PCGF3: variants seen among roughly 807,000 people sequenced by gnomAD.
PCGF3 encodes polycomb group RING finger protein 3.
In PCGF3, 7 loss-of-function variants were observed where a neutral mutation model predicts 33.1. That is an observed-to-expected ratio of 0.21 (90% CI 0.12 to 0.40). The LOEUF (loss-of-function observed/expected upper bound fraction) is 0.40. Ranked by LOEUF, PCGF3 falls within the 10% of genes least tolerant of loss-of-function variation. The probability of loss-of-function intolerance (pLI) is 1.00; values close to 1 mark genes in which losing one functional copy is unlikely to be tolerated. For missense variants in PCGF3, 211 were observed against 313.3 expected (o/e 0.67, Z 2.46); for synonymous variants, 153 against 121.3 (o/e 1.26, Z -1.72).
chr4:708,431 C>A (rs1742427660), intron 1 of PCGF3, among the ~76,000 whole-genome samples: 1 of 152,102 alleles, frequency 6.6e-6, no homozygotes, highest in Non-Finnish European at 1.5e-5. Context: ...CAGCTGGATG[C>A]ACCTGCTGTG....
intron 8 of PCGF3, among the ~76,000 whole-genome samples, chr4:758,678 CCG>C (rs1363174814): frequency 1.1e-5 from 1 of 94,260 alleles, no homozygotes; most frequent in Non-Finnish European, 2.3e-5. Context: ...GTCTTTCTCC[CCG>C]CGCGGCCCCT....
At chr4:751,709 G>C (rs1050288605) in intron 8 of PCGF3, among the ~76,000 whole-genome samples, 1 of 152,134 alleles carries the variant, frequency 6.6e-6, no homozygotes, top group Non-Finnish European at 1.5e-5. Context: ...CCCCTCCAAA[G>C]GGCATGAAGC....
intron 1 of PCGF3, among the ~76,000 whole-genome samples, chr4:712,106 T>C (rs542547923): frequency 1.3e-5 from 2 of 152,340 alleles, no homozygotes; most frequent in African/African-American, 4.8e-5. Context: ...TACAATTCAT[T>C]GTGCTTCAAA....
chr4:766,070 C>G, exon 11 of PCGF3: 3 of 1,614,102 alleles, frequency 1.9e-6, no homozygotes, highest in Non-Finnish European at 2.5e-6. Flanking sequence ...CCAAGATGGA[C>G]TTGCTGTGAA....
At chr4:716,050 G>T (rs1351680295) in intron 1 of PCGF3, among the ~76,000 whole-genome samples, 7 of 143,336 alleles carry the variant, frequency 4.9e-5, no homozygotes, top group African/African-American at 1.8e-4. Context: ...CGTCGGTGCT[G>T]GAACCCTGTA....
intron 9 of PCGF3, chr4:762,319 C>T (rs897480587): frequency 3.4e-5 from 6 of 175,180 alleles, no homozygotes; most frequent in Non-Finnish European, 6.7e-5. Flanking sequence ...GAGCAGAGGA[C>T]GGACTGGAGG....
intron 3 of PCGF3, among the ~76,000 whole-genome samples, chr4:731,556 C>T (rs1229858900): frequency 5.2e-4 from 69 of 132,210 alleles, no homozygotes; most frequent in South Asian, 1.0e-3. Flanking sequence ...GCGGGGCTCC[C>T]CCTCCCGTCG....
chr4:761,959 T>A, intron 9 of PCGF3: 7 of 985,336 alleles, frequency 7.1e-6, no homozygotes, highest in Non-Finnish European at 8.4e-6. Context: ...AGCATGGGTC[T>A]GGTGTCGTTT....
At chr4:714,193 C>G (rs991784197) in intron 1 of PCGF3, among the ~76,000 whole-genome samples, 7 of 152,214 alleles carry the variant, frequency 4.6e-5, no homozygotes, top group Non-Finnish European at 7.3e-5. Context: ...CGCCTTGATT[C>G]TGGACTCCCA....
At chr4:733,097 C>T (rs1300029737) in intron 3 of PCGF3, among the ~76,000 whole-genome samples, 5 of 95,156 alleles carry the variant, frequency 5.3e-5, no homozygotes, top group African/African-American at 2.6e-4. Context: ...TGCCTCCGCC[C>T]CTGCCCCGTG....
At chr4:735,856 C>T (rs1011071826) in intron 5 of PCGF3, among the ~76,000 whole-genome samples, 4 of 152,146 alleles carry the variant, frequency 2.6e-5, no homozygotes, top group African/African-American at 9.7e-5. Context: ...CAGCAGGAGG[C>T]CAAGGGGCCA....
At position 737,533 on chromosome 4, in the gene PCGF3, ACTGT is replaced by A; in HGVS notation, c.262+15_262+18del. On this transcript the variant is annotated intron_variant, in intron 6 of 10. Coordinates refer to ENST00000362003, the Ensembl canonical transcript of PCGF3. ...AGGCCTCCAAGAAGGTGAGTGTCTG[ACTGT>A]CTTGCTGATCCCTGAGGTCCCAGCC... 3 of 1,574,882 alleles carry A rather than the reference ACTGT, an allele frequency of 1.9e-6. No homozygotes were observed. Among genetic ancestry groups the A allele is most frequent in the Non-Finnish European group, 2.6e-6 (3 of 1,144,508 alleles).
intron 8 of PCGF3, among the ~76,000 whole-genome samples, chr4:757,906 C>T (rs1247286122): frequency 6.6e-6 from 1 of 152,062 alleles, no homozygotes; most frequent in East Asian, 1.9e-4. Flanking sequence ...CGGTGGCTCA[C>T]GCCTGTAATC....
intron 10 of PCGF3, 82 bp from the exon 11 acceptor site, chr4:765,949 TC>T: frequency 2.3e-6 from 3 of 1,298,382 alleles, no homozygotes; most frequent in Non-Finnish European, 3.4e-6. Context: ...GGGACGTGAT[TC>T]CTCAGCACCC....
At chr4:768,874 C>G (rs1745496077) in exon 11 of PCGF3, 2 of 152,554 alleles carry the variant, frequency 1.3e-5, no homozygotes, top group Admixed American at 1.3e-4. Context: ...GGATGAAGAG[C>G]ATTTTTTATG....
In PCGF3 at chr4:761,194, A is replaced by G. The variant is rs1745036396; in HGVS notation, c.463-85A>G. Reference sequence around the variant, plus strand: ...AAAGGTCAGCAGTCCTAGATTGAGGAATTAGTGAAATATGTCTAAGGAAGC... The same window carrying G: ...AAAGGTCAGCAGTCCTAGATTGAGGGATTAGTGAAATATGTCTAAGGAAGC... On this transcript the variant is annotated intron_variant, in intron 8 of 10. Coordinates refer to ENST00000362003, the Ensembl canonical transcript of PCGF3. 4 of 1,163,566 alleles carry G rather than the reference A, an allele frequency of 3.4e-6. No homozygotes were observed. In the Admixed American group the frequency reaches 8.6e-5, roughly 25 times the overall value. The allele number at this position is 1,163,566 out of a possible 1,614,324, so 72.1% of individuals were successfully genotyped here. A position where few individuals can be genotyped will look rare whatever the true frequency, so the allele number is the denominator to read the frequency against.
intron 1 of PCGF3, among the ~76,000 whole-genome samples, chr4:712,873 G>A (rs1206271899): frequency 1.3e-5 from 2 of 152,250 alleles, no homozygotes; most frequent in Admixed American, 1.3e-4. Context: ...GATGTTTAAT[G>A]AGAAATAGAT....
chr4:737,490 T>C (rs1157567061), exon 6 of PCGF3: 3 of 1,611,260 alleles, frequency 1.9e-6, no homozygotes, highest in African/African-American at 2.7e-5. Flanking sequence ...TGCAAGATAT[T>C]GTTTACAAAT....
chr4:723,012 G>A (rs1197797018), intron 1 of PCGF3, among the ~76,000 whole-genome samples: 6 of 126,708 alleles, frequency 4.7e-5, no homozygotes, highest in Non-Finnish European at 9.7e-5. Context: ...CCACATTCGC[G>A]TCATCGCCAT....
Sources: gnomAD v4.1 joint callset for allele counts (sites outside exome capture counted in the v4.1 genomes callset) on GRCh38, gnomAD v4.1.1 for gene constraint, MANE v1.5 for transcripts, NCBI Gene and HGNC (gene_info 2026-07-23, HGNC 2026-07-21) for gene names.